MREG: variants seen among roughly 807,000 people sequenced by gnomAD.
MREG encodes the protein dilute suppressor protein homolog.
MREG carries 31 observed loss-of-function variants against 28.5 expected under a neutral mutation model. The ratio of observed to expected loss-of-function variants is 1.09; its 90% CI spans 0.82 to 1.47. The LOEUF (loss-of-function observed/expected upper bound fraction) is 1.47, where lower values mean the gene tolerates loss of function less well. MREG is among the 40% of genes most tolerant of loss of function. MREG has a pLI of 0.00. For synonymous variants in MREG, 106 were observed against 95.2 expected (o/e 1.11, Z -0.66); for missense variants, 256 against 257.4 (o/e 0.99, Z 0.04).
At chr2:216,020,625 A>AT (rs1293295805) in intron 1 of MREG, among the ~76,000 whole-genome samples, 1 of 152,260 alleles carries the variant, frequency 6.6e-6, no homozygotes, top group African/African-American at 2.4e-5. Flanking sequence ...GAAAGTTGTC[A>AT]TTTCCAAAGG....
chr2:215,975,672 C>G (rs1376247241), intron 2 of MREG, among the ~76,000 whole-genome samples: 1 of 152,136 alleles, frequency 6.6e-6, no homozygotes, highest in Non-Finnish European at 1.5e-5. Context: ...GTTTCTGTAC[C>G]TTCAGTCAGC....
At chr2:216,027,900 C>T (rs1017943836) in intron 1 of MREG, among the ~76,000 whole-genome samples, 3 of 151,970 alleles carry the variant, frequency 2.0e-5, no homozygotes, top group African/African-American at 7.3e-5. Flanking sequence ...CTGAAAATGT[C>T]GAATAAATTT....
intron 1 of MREG, among the ~76,000 whole-genome samples, chr2:216,020,821 G>T (rs960203031): frequency 2.6e-5 from 4 of 152,192 alleles, no homozygotes; most frequent in Non-Finnish European, 1.5e-5. Context: ...CCAAAGCCCC[G>T]CAAAACACAC....
At chr2:216,024,972 G>T (rs1418501547) in intron 1 of MREG, among the ~76,000 whole-genome samples, 1 of 143,814 alleles carries the variant, frequency 7.0e-6, no homozygotes, top group Non-Finnish European at 1.5e-5. Context: ...GGAAAGGAAA[G>T]GAAAAAGGAA....
intron 1 of MREG, among the ~76,000 whole-genome samples, chr2:216,007,282 C>CA (rs1208728299): frequency 6.6e-6 from 1 of 152,132 alleles, no homozygotes; most frequent in Non-Finnish European, 1.5e-5. Context: ...CCTAGAGTGA[C>CA]AAAAAATTTA....
At chr2:216,000,420 C>G (rs575507254) in intron 1 of MREG, among the ~76,000 whole-genome samples, 152 of 152,200 alleles carry the variant, frequency 1.0e-3, no homozygotes, top group Admixed American at 3.1e-3. Flanking sequence ...TGTGGCTTGT[C>G]CCCAGGATGC....
rs1281997724 is a variant in MREG, at chr2:215,944,929, C to T, written c.579G>A (p.Lys193=). 1 of 1,608,566 alleles carries T rather than the reference C, an allele frequency of 6.2e-7. No individual in the cohort carries two copies. The highest frequency in any genetic ancestry group is 1.1e-5 in the South Asian group (1 of 90,682). The change falls in exon 5 of 5, where the codon AAG becomes AAA. Residue 193 remains lysine (K), a synonymous_variant. Transcript: ENST00000263268. The part of the protein sequence containing the change: ...FKLARRTYPK[K]PGVPCLADGQ... ...CATCTGCCAGGCATGGAACCCCAGG[C>T]TTCTTGGGGTAAGTTCGACGAGCAA...
intron 2 of MREG, among the ~76,000 whole-genome samples, chr2:215,955,587 T>C (rs1052238156): frequency 6.6e-6 from 1 of 152,236 alleles, no homozygotes; most frequent in Non-Finnish European, 1.5e-5. Flanking sequence ...CTTGGCAAAA[T>C]GAATTCTTTG....
chr2:215,941,262 T>C (rs567382647), downstream of MREG, among the ~76,000 whole-genome samples: 56 of 152,140 alleles, frequency 3.7e-4, no homozygotes, highest in Non-Finnish European at 6.6e-4. Flanking sequence ...AGTAAGGAGA[T>C]GACAGGGACA....
intron 2 of MREG, among the ~76,000 whole-genome samples, chr2:215,994,515 C>A (rs1005934564): frequency 4.0e-5 from 6 of 150,786 alleles, no homozygotes; most frequent in Non-Finnish European, 8.8e-5. Flanking sequence ...ACCTATGTAA[C>A]CTGCACATTC....
At chr2:215,973,433 AG>A (rs1693157724) in intron 2 of MREG, among the ~76,000 whole-genome samples, 1 of 152,224 alleles carries the variant, frequency 6.6e-6, no homozygotes, top group Non-Finnish European at 1.5e-5. Flanking sequence ...CCGGATTCAA[AG>A]AGTGGACACC....
At chr2:215,951,822 G>A (rs905698858) in intron 2 of MREG, among the ~76,000 whole-genome samples, 3 of 152,120 alleles carry the variant, frequency 2.0e-5, no homozygotes, top group South Asian at 2.1e-4. Flanking sequence ...TTCAATCCCC[G>A]GGAGCTGACC....
At chr2:216,000,892 C>A (rs961975089) in intron 1 of MREG, among the ~76,000 whole-genome samples, 1 of 152,122 alleles carries the variant, frequency 6.6e-6, no homozygotes, top group African/African-American at 2.4e-5. Context: ...ATCTAGCCAC[C>A]TTTTACTTTA....
chr2:216,032,278 G>T (rs906693114), intron 1 of MREG, among the ~76,000 whole-genome samples: 5 of 152,180 alleles, frequency 3.3e-5, no homozygotes, highest in African/African-American at 1.2e-4. Context: ...AAGCCAAATG[G>T]TCCAAAATAT....
chr2:216,026,244 C>G (rs995425899), intron 1 of MREG, among the ~76,000 whole-genome samples: 2 of 152,204 alleles, frequency 1.3e-5, no homozygotes, highest in African/African-American at 4.8e-5. Flanking sequence ...AAGTTTCTTT[C>G]TGGGATGATG....
At position 216,031,417 on chromosome 2, in the gene MREG, G is replaced by GAA. The variant is rs1559203756; in HGVS notation, c.-68+1370_-68+1371dup. On this transcript the variant is annotated intron_variant, in intron 1 of 3. Transcript: ENST00000420348. ...GTGAGAAAGGAAGAAAGGAAGAAAG[G>GAA]AAGAAAGAAAGAAAAGAAAGAAAGA... Among the ~76,000 whole-genome samples the GAA allele has an allele frequency of 9.8e-4, 130 of 133,160 alleles. 1 individual carries two copies. Among genetic ancestry groups the GAA allele is most frequent in the Non-Finnish European group, 1.4e-3 (86 of 62,584 alleles). 87.4% of individuals were successfully genotyped at this position (133,160 alleles called of 152,430 possible).
chr2:215,976,871 T>G (rs555531917), intron 2 of MREG, among the ~76,000 whole-genome samples: 1 of 152,292 alleles, frequency 6.6e-6, no homozygotes, highest in East Asian at 1.9e-4. Context: ...CAAGAGCTCC[T>G]GAAGGAAGCA....
chr2:216,016,134 A>G (rs1375463782), upstream of MREG, among the ~76,000 whole-genome samples: 4 of 152,156 alleles, frequency 2.6e-5, no homozygotes, highest in Non-Finnish European at 5.9e-5. Flanking sequence ...CCCATCATGA[A>G]ACATTAACAG....
At chr2:215,963,367 T>C (rs557956216) in intron 2 of MREG, among the ~76,000 whole-genome samples, 33 of 151,046 alleles carry the variant, frequency 2.2e-4, no homozygotes, top group Non-Finnish European at 3.4e-4. Context: ...GAGGCGGAGA[T>C]TGCAGTAGGC....
Sources: allele counts gnomAD v4.1 joint callset (sites outside exome capture counted in the v4.1 genomes callset), GRCh38; gene constraint gnomAD v4.1.1; transcripts MANE v1.5; gene names NCBI Gene and HGNC (gene_info 2026-07-23, HGNC 2026-07-21).